FNIP2: variants seen among roughly 807,000 people sequenced by gnomAD.
The protein encoded by FNIP2 is folliculin-interacting protein 2.
Under a neutral mutation model 108.7 loss-of-function variants are expected in FNIP2, and 32 were observed. The observed-to-expected ratio is 0.29, with a 90% CI of 0.22 to 0.40. The LOEUF (loss-of-function observed/expected upper bound fraction) is 0.40. FNIP2 is among the 10% of genes least tolerant of loss of function. FNIP2 has a pLI of 1.00. For missense variants in FNIP2, 1,202 were observed against 1,381.6 expected, an observed-to-expected ratio of 0.87 and a Z score of 2.06; for synonymous variants, 480 against 496.7, an observed-to-expected ratio of 0.97 and a Z score of 0.45.
chr4:158,872,888 GA>G, intron 14 of FNIP2: 1 of 539,170 alleles, frequency 1.9e-6, no homozygotes, highest in Non-Finnish European at 2.4e-6. Context: ...TATGTTGCCA[GA>G]AAAAGAAGCA....
At position 158,835,488 on chromosome 4, in the gene FNIP2, C is replaced by A; in HGVS notation, c.727+12C>A. ...CATTGCTCGATCAGGTACTTGTACTCTGTTTATTGGTTTAACTAACAGAGT... is the reference window on the plus strand; with the variant it reads ...CATTGCTCGATCAGGTACTTGTACTATGTTTATTGGTTTAACTAACAGAGT... On this transcript the variant is annotated intron_variant, in intron 7 of 16. Transcript: ENST00000264433. 1 of 1,609,888 alleles carries A rather than the reference C, an allele frequency of 6.2e-7. No homozygotes were observed. Among genetic ancestry groups the A allele is most frequent in the Non-Finnish European group, 8.5e-7 (1 of 1,177,170 alleles).
At chr4:158,769,665 C>T (rs1218307592) in intron 1 of FNIP2, among the ~76,000 whole-genome samples, 2 of 152,170 alleles carry the variant, frequency 1.3e-5, no homozygotes, top group African/African-American at 2.4e-5. Context: ...GCCTGGGCAC[C>T]TCTGCGGGCC....
At chr4:158,828,347 T>G (rs1778271521) in intron 2 of FNIP2, among the ~76,000 whole-genome samples, 1 of 152,196 alleles carries the variant, frequency 6.6e-6, no homozygotes, top group Admixed American at 6.5e-5. Context: ...CCGGGCGCGG[T>G]GGCTCACGCC....
At chr4:158,787,328 TA>T (rs755050151) in intron 1 of FNIP2, among the ~76,000 whole-genome samples, 3 of 152,242 alleles carry the variant, frequency 2.0e-5, no homozygotes, top group Non-Finnish European at 2.9e-5. Flanking sequence ...TTTTCTTTTC[TA>T]AAAATTGTGG....
At position 158,905,614 on chromosome 4, in the gene FNIP2, G is replaced by A. The variant is rs1186915769; in HGVS notation, c.*1070G>A. ...ATCATTTCTGTGCCTTCTAATTCCTGCATCCTTTTCAAAACATCTTTCCAG... is the reference window on the plus strand; with the variant it reads ...ATCATTTCTGTGCCTTCTAATTCCTACATCCTTTTCAAAACATCTTTCCAG... On this transcript the variant is annotated 3_prime_UTR_variant, in exon 17 of 17. Coordinates refer to ENST00000264433, the MANE Select transcript of FNIP2 (RefSeq NM_020840.3). 6.7e-6 allele frequency: 1 copy of A among 150,058 alleles called. No homozygotes were observed. Among genetic ancestry groups the A allele is most frequent in the Non-Finnish European group, 1.5e-5 (1 of 67,828 alleles). The allele number at this position is 150,058 out of a possible 1,614,324, so 9.3% of individuals were successfully genotyped here.
chr4:158,773,142 A>G (rs1040034801), intron 1 of FNIP2, among the ~76,000 whole-genome samples: 13 of 152,218 alleles, frequency 8.5e-5, no homozygotes, highest in African/African-American at 2.9e-4. Context: ...CAACATTTTT[A>G]ATGCCAATAA....
intron 1 of FNIP2, among the ~76,000 whole-genome samples, chr4:158,791,586 C>T (rs566014214): frequency 1.3e-5 from 2 of 152,248 alleles, no homozygotes; most frequent in South Asian, 2.1e-4. Flanking sequence ...CCAGCCTGCA[C>T]TGAGAATCCT....
chr4:158,882,834 C>G (rs1017560409), intron 14 of FNIP2, among the ~76,000 whole-genome samples: 6 of 152,074 alleles, frequency 3.9e-5, no homozygotes, highest in Non-Finnish European at 7.4e-5. Context: ...TCCCTAATCT[C>G]AAGTACCCAG....
chr4:158,848,702 T>C (rs564023424), intron 7 of FNIP2, among the ~76,000 whole-genome samples: 2 of 152,300 alleles, frequency 1.3e-5, no homozygotes, highest in East Asian at 3.9e-4. Context: ...AATAGCTGTG[T>C]TGAGGAAACT....
rs1780177381 is a variant in FNIP2 at position 158,859,738 on chromosome 4, C to G, written c.1148+72C>G. The G allele has an allele frequency of 2.3e-6, 3 of 1,301,952 alleles. No individual in the cohort carries two copies. In the East Asian group the frequency reaches 7.4e-5, roughly 32 times the overall value. The allele number at this position is 1,301,952 out of a possible 1,614,324, so 80.6% of individuals were successfully genotyped here. On this transcript the variant is annotated intron_variant, in intron 10 of 16. Transcript: ENST00000264433. ...AGCCATGGATAAAGATAAACTGTGA[C>G]TTGGAAGAATTGGGGGCCTGGCAGT... is the stretch of plus-strand genomic sequence containing the variant.
intron 12 of FNIP2, among the ~76,000 whole-genome samples, chr4:158,867,611 G>A (rs1322233307): frequency 1.3e-5 from 2 of 152,200 alleles, no homozygotes; most frequent in Non-Finnish European, 2.9e-5. Flanking sequence ...AGATAATTCT[G>A]TGTAGACCAC....
chr4:158,861,691 C>T lies in FNIP2; in HGVS notation c.1380C>T (p.Ile460=), dbSNP rs374312539. The T allele has an allele frequency of 2.9e-5, 47 of 1,614,032 alleles. No individual in the cohort carries two copies. Among genetic ancestry groups the T allele is most frequent in the Non-Finnish European group, 3.7e-5 (44 of 1,179,894 alleles). ...PTVMPVDHPP[I]KAFSEKRTSQ... ...TCATGCCTGTGGATCACCCTCCCAT[C>T]AAAGCCTTCTCAGAGAAACGTACCT... The change falls in exon 12 of 17, where the codon ATC becomes ATT. Residue 460 remains isoleucine, a synonymous_variant. Transcript: ENST00000264433.
intron 14 of FNIP2, among the ~76,000 whole-genome samples, chr4:158,882,232 C>A (rs961789796): frequency 3.3e-5 from 5 of 151,338 alleles, no homozygotes; most frequent in Admixed American, 3.3e-4. Flanking sequence ...CGCCCGGCAG[C>A]CGCCCCGTCT....
intron 1 of FNIP2, among the ~76,000 whole-genome samples, chr4:158,783,709 C>T (rs184051293): frequency 3.3e-5 from 5 of 152,158 alleles, no homozygotes; most frequent in East Asian, 1.9e-4. Context: ...GGGCAGGGGA[C>T]GAGGACATTT....
chr4:158,893,635 ATTTT>A, intron 15 of FNIP2: 1 of 1,392,084 alleles, frequency 7.2e-7, no homozygotes, highest in Non-Finnish European at 1.0e-6. Flanking sequence ...TTATGATCTT[ATTTT>A]TTGTTATACA....
At chr4:158,803,853 A>G (rs1776845613) in intron 1 of FNIP2, among the ~76,000 whole-genome samples, 2 of 152,234 alleles carry the variant, frequency 1.3e-5, no homozygotes, top group Non-Finnish European at 2.9e-5. Flanking sequence ...GTGAGTGTAT[A>G]AGCACCCTCC....
intron 16 of FNIP2, among the ~76,000 whole-genome samples, chr4:158,896,643 C>T (rs1446428523): frequency 6.6e-6 from 1 of 152,164 alleles, no homozygotes; most frequent in African/African-American, 2.4e-5. Flanking sequence ...CTTTCACACC[C>T]AGAATGTGAC....
intron 16 of FNIP2, among the ~76,000 whole-genome samples, chr4:158,897,315 T>A (rs1782785132): frequency 6.6e-6 from 1 of 152,238 alleles, no homozygotes; most frequent in Admixed American, 6.5e-5. Context: ...TGTGCGTGTG[T>A]CTTTATAGTA....
rs1235097921 is a variant in FNIP2, at chr4:158,866,793, T to C, written c.1466-1309T>C. Among the ~76,000 whole-genome samples, 12 of 152,128 alleles carry C rather than the reference T, an allele frequency of 7.9e-5. No homozygotes were observed. In the East Asian group the frequency reaches 2.3e-3, roughly 30 times the overall value. ...GGTTTCAGCATGTTGGCCAGGCTGG[T>C]CTCAAACTCCTGACCTCAGGTCATC... On this transcript the variant is annotated intron_variant, in intron 12 of 16. Transcript: ENST00000264433.
Sources: gnomAD v4.1 joint callset for allele counts (sites outside exome capture counted in the v4.1 genomes callset) on GRCh38, gnomAD v4.1.1 for gene constraint, MANE v1.5 for transcripts, NCBI Gene and HGNC (gene_info 2026-07-23, HGNC 2026-07-21) for gene names.